The following CCSER1 variants were observed in gnomAD, a reference collection of about 807,000 sequenced individuals.
CCSER1 encodes coiled-coil serine rich protein 1, also known as serine-rich coiled-coil domain-containing protein 1.
In CCSER1, 41 loss-of-function variants were observed where a neutral mutation model predicts 82.0. The ratio of observed to expected loss-of-function variants is 0.50; its 90% CI spans 0.39 to 0.65. The LOEUF (loss-of-function observed/expected upper bound fraction) is 0.65. CCSER1 is among the 30% of genes least tolerant of loss of function. The pLI is 0.00. For synonymous variants in CCSER1, 414 were observed against 383.9 expected, an observed-to-expected ratio of 1.08 and a Z score of -0.92; for missense variants, 1,119 against 1,064.2, an observed-to-expected ratio of 1.05 and a Z score of -0.72.
At chr4:91,245,599 C>G (rs1434905586) in intron 10 of CCSER1, among the ~76,000 whole-genome samples, 2 of 152,116 alleles carry the variant, frequency 1.3e-5, no homozygotes. Flanking sequence ...CAAACAAAAA[C>G]TTAGGGATTT....
chr4:91,467,427 G>T (rs552984134), intron 10 of CCSER1, among the ~76,000 whole-genome samples: 1 of 152,290 alleles, frequency 6.6e-6, no homozygotes, highest in South Asian at 2.1e-4. Flanking sequence ...ATACCATTCA[G>T]GCCATAGGCA....
At position 91,375,459 on chromosome 4, in the gene CCSER1, A is replaced by G. The variant is rs1350783898; in HGVS notation, c.2218-223113A>G. Among the ~76,000 whole-genome samples the G allele has an allele frequency of 3.3e-5, 5 of 152,198 alleles. No homozygotes were observed. The East Asian group carries it at 9.7e-4, about 29-fold the overall frequency. ...AAAATGTTATCAAACAGCATTACACACTACAGAGAAATTTTTCATGAAAGG... is the reference window on the plus strand; with the variant it reads ...AAAATGTTATCAAACAGCATTACACGCTACAGAGAAATTTTTCATGAAAGG... On this transcript the variant is annotated intron_variant, in intron 10 of 10. Coordinates refer to ENST00000509176, the MANE Select transcript of CCSER1 (RefSeq NM_001145065.2).
intron 4 of CCSER1, among the ~76,000 whole-genome samples, chr4:90,455,501 T>C (rs1235355243): frequency 3.9e-5 from 6 of 152,194 alleles, no homozygotes; most frequent in African/African-American, 1.2e-4. Flanking sequence ...AGGTTGAAGA[T>C]GGTTGGTTAC....
intron 10 of CCSER1, among the ~76,000 whole-genome samples, chr4:91,249,935 T>C (rs1740120934): frequency 6.9e-6 from 1 of 145,080 alleles, no homozygotes; most frequent in Non-Finnish European, 1.5e-5. Flanking sequence ...AAGAAAAGAT[T>C]GTAGTCCTGA....
chr4:90,197,573 T>C (rs772422948), intron 1 of CCSER1, among the ~76,000 whole-genome samples: 24 of 152,168 alleles, frequency 1.6e-4, no homozygotes, highest in Non-Finnish European at 2.8e-4. Flanking sequence ...ATGTGGTACA[T>C]ATACACTGTG....
intron 9 of CCSER1, among the ~76,000 whole-genome samples, chr4:90,991,666 A>C (rs1737043615): frequency 6.6e-6 from 1 of 151,974 alleles, no homozygotes; most frequent in East Asian, 1.9e-4. Context: ...ATTTTAAATT[A>C]ATTACATCTG....
intron 7 of CCSER1, among the ~76,000 whole-genome samples, chr4:90,742,622 G>GA (rs1379963057): frequency 4.6e-5 from 7 of 151,914 alleles, no homozygotes; most frequent in Non-Finnish European, 8.8e-5. Flanking sequence ...CTCTAGAATT[G>GA]AAAAAAATAA....
chr4:90,631,264 T>C (rs1724368673), intron 6 of CCSER1, among the ~76,000 whole-genome samples: 1 of 152,216 alleles, frequency 6.6e-6, no homozygotes, highest in South Asian at 2.1e-4. Context: ...ACTTAATTTT[T>C]ACATGTCATA....
chr4:91,127,530 A>T (rs928729531), intron 10 of CCSER1, among the ~76,000 whole-genome samples: 1 of 152,088 alleles, frequency 6.6e-6, no homozygotes, highest in African/African-American at 2.4e-5. Flanking sequence ...GTAATTTTTT[A>T]AAAACTCTAT....
intron 6 of CCSER1, among the ~76,000 whole-genome samples, chr4:90,673,653 G>T (rs542136199): frequency 6.6e-6 from 1 of 152,024 alleles, no homozygotes; most frequent in Admixed American, 6.6e-5. Context: ...CACAAAGGTA[G>T]CAGGTAAAGA....
chr4:91,090,618 G>A (rs1723846813), intron 10 of CCSER1, among the ~76,000 whole-genome samples: 1 of 152,092 alleles, frequency 6.6e-6, no homozygotes, highest in Non-Finnish European at 1.5e-5. Context: ...TCAGGAACTG[G>A]GTCTGCAGGA....
intron 9 of CCSER1, among the ~76,000 whole-genome samples, chr4:90,933,494 T>C (rs572601892): frequency 6.7e-6 from 1 of 149,070 alleles, no homozygotes; most frequent in South Asian, 2.1e-4. Flanking sequence ...GATGAAGTGT[T>C]TTTTTTTTTT....
chr4:91,480,313 A>G (rs1469559843), intron 10 of CCSER1, among the ~76,000 whole-genome samples: 1 of 152,210 alleles, frequency 6.6e-6, no homozygotes, highest in African/African-American at 2.4e-5. Flanking sequence ...CTAAGGAATC[A>G]CCACACTGAC....
At chr4:90,804,743 A>T (rs917990480) in intron 7 of CCSER1, among the ~76,000 whole-genome samples, 3 of 152,228 alleles carry the variant, frequency 2.0e-5, no homozygotes, top group African/African-American at 7.2e-5. Flanking sequence ...GGCAAAATGC[A>T]TTATAAAATG....
chr4:91,278,346 A>G (rs938051654), intron 10 of CCSER1, among the ~76,000 whole-genome samples: 6 of 152,172 alleles, frequency 3.9e-5, no homozygotes, highest in Non-Finnish European at 7.4e-5. Context: ...TGTTTGCTTT[A>G]TGTATCTGGT....
At position 90,403,456 on chromosome 4, in the gene CCSER1, G is replaced by A. The variant is rs1027079323; in HGVS notation, c.1603+3327G>A. Among the ~76,000 whole-genome samples, 20 of 129,122 alleles carry A rather than the reference G, an allele frequency of 1.5e-4. No individual in the cohort carries two copies. In the East Asian group the frequency reaches 2.1e-3, roughly 14 times the overall value. The allele number at this position is 129,122 out of a possible 152,430, so 84.7% of individuals were successfully genotyped here. A position where few individuals can be genotyped will look rare whatever the true frequency, so the allele number is the denominator to read the frequency against. On this transcript the variant is annotated intron_variant, in intron 4 of 10. Transcript: ENST00000509176. ...GGAGCTTGCAGTGAGCCAAGATCCC[G>A]CCACTGCACTCCAGCCTGGGCGACA...
rs531967840 is a variant in CCSER1, at chr4:91,430,575, A to C, written c.2218-167997A>C. Among the ~76,000 whole-genome samples, 4 of 152,354 alleles carry C rather than the reference A, an allele frequency of 2.6e-5. No individual in the cohort carries two copies. The South Asian group carries it at 8.3e-4, about 32-fold the overall frequency. ...CCAATTTATTGCTGAAAGAATATTAAAGGTGTTATTTAGTTCTCAATTGAC... is the reference window on the plus strand; with the variant it reads ...CCAATTTATTGCTGAAAGAATATTACAGGTGTTATTTAGTTCTCAATTGAC... On this transcript the variant is annotated intron_variant, in intron 10 of 10. Coordinates refer to ENST00000509176, the MANE Select transcript of CCSER1 (RefSeq NM_001145065.2).
intron 5 of CCSER1, among the ~76,000 whole-genome samples, chr4:90,521,073 C>A (rs1365533709): frequency 6.6e-6 from 1 of 152,066 alleles, no homozygotes; most frequent in Non-Finnish European, 1.5e-5. Context: ...GGAGTTGATT[C>A]TTTTTTTATT....
chr4:90,925,292 T>C (rs1334104403), intron 9 of CCSER1, among the ~76,000 whole-genome samples: 1 of 152,200 alleles, frequency 6.6e-6, no homozygotes, highest in Non-Finnish European at 1.5e-5. Flanking sequence ...GAAGTCACTT[T>C]TTTACTACTA....
Sources: allele counts gnomAD v4.1 joint callset (sites outside exome capture counted in the v4.1 genomes callset), GRCh38; gene constraint gnomAD v4.1.1; transcripts MANE v1.5; gene names NCBI Gene and HGNC (gene_info 2026-07-23, HGNC 2026-07-21).